SPOCK1: variants seen among roughly 807,000 people sequenced by gnomAD.
The protein encoded by SPOCK1 is SPARC (osteonectin), cwcv and kazal like domains proteoglycan 1.
SPOCK1 carries 23 observed loss-of-function variants against 55.3 expected under a neutral mutation model. The ratio of observed to expected loss-of-function variants is 0.42; its 90% CI spans 0.30 to 0.59. The LOEUF (loss-of-function observed/expected upper bound fraction) is 0.59, where lower values mean the gene tolerates loss of function less well. Among genes scored for constraint, SPOCK1 ranks in the 20% least tolerant of loss-of-function variants. The probability of loss-of-function intolerance (pLI) is 0.22; values close to 1 mark genes in which losing one functional copy is unlikely to be tolerated. For missense variants in SPOCK1, 499 were observed against 552.5 expected (o/e 0.90, Z 0.97); for synonymous variants, 226 against 221.0 (o/e 1.02, Z -0.20).
At chr5:137,016,131 GC>G (rs1751444203) in intron 6 of SPOCK1, among the ~76,000 whole-genome samples, 1 of 152,086 alleles carries the variant, frequency 6.6e-6, no homozygotes, top group South Asian at 2.1e-4. Flanking sequence ...AAAAAAGGCC[GC>G]TTTTCATCGC....
intron 6 of SPOCK1, among the ~76,000 whole-genome samples, chr5:137,014,116 T>C (rs1751405212): frequency 6.6e-6 from 1 of 152,196 alleles, no homozygotes; most frequent in African/African-American, 2.4e-5. Context: ...ATTGACTTCT[T>C]GCAAGATCTG....
intron 2 of SPOCK1, among the ~76,000 whole-genome samples, chr5:137,303,995 C>T (rs184122033): frequency 2.0e-4 from 31 of 152,192 alleles, no homozygotes; most frequent in African/African-American, 4.6e-4. Flanking sequence ...ATGGTGATGA[C>T]GTAGGCATCC....
intron 2 of SPOCK1, among the ~76,000 whole-genome samples, chr5:137,444,874 C>T (rs1410578515): frequency 6.6e-6 from 1 of 152,220 alleles, no homozygotes; most frequent in African/African-American, 2.4e-5. Context: ...TGTCCACCTC[C>T]CAGCTCCCAA....
intron 2 of SPOCK1, among the ~76,000 whole-genome samples, chr5:137,327,257 G>C (rs1234934302): frequency 1.3e-5 from 2 of 152,144 alleles, no homozygotes; most frequent in East Asian, 3.9e-4. Flanking sequence ...CTTCCCCATA[G>C]TAAGTGCCAG....
At position 137,155,400 on chromosome 5, in the gene SPOCK1, C is replaced by T. The variant is rs572556160; in HGVS notation, c.233-14706G>A. On this transcript the variant is annotated intron_variant, in intron 3 of 10. Coordinates refer to ENST00000394945, the MANE Select transcript of SPOCK1 (RefSeq NM_004598.4). ...GGCCTGTACTCTACTCTTGCAACTC[C>T]AGAAATCAGAAGGCTGATCACCTCA... Among the ~76,000 whole-genome samples the T allele has an allele frequency of 2.0e-4, 31 of 152,304 alleles. 1 individual carries two copies. Among genetic ancestry groups the T allele is most frequent in the Admixed American group, 3.3e-4 (5 of 15,298 alleles).
At chr5:137,160,566 ATATATTATATAAT>A (rs1754517489) in intron 3 of SPOCK1, among the ~76,000 whole-genome samples, 4 of 69,666 alleles carry the variant, frequency 5.7e-5, no homozygotes, top group Middle Eastern at 5.7e-3. Context: ...ATTATATATT[ATATATTATATAAT>A]ATATATAATA....
chr5:137,147,599 C>T (rs1296307622), intron 3 of SPOCK1, among the ~76,000 whole-genome samples: 1 of 152,160 alleles, frequency 6.6e-6, no homozygotes, highest in African/African-American at 2.4e-5. Context: ...AGAGCCAGCC[C>T]TCTCTCGTGT....
intron 2 of SPOCK1, among the ~76,000 whole-genome samples, chr5:137,395,996 A>G (rs772745820): frequency 2.6e-5 from 4 of 152,208 alleles, no homozygotes; most frequent in Admixed American, 6.5e-5. Flanking sequence ...TCTCTCCAAC[A>G]TAAGTTACGT....
chr5:137,198,325 A>G (rs369389251), intron 3 of SPOCK1, among the ~76,000 whole-genome samples: 1 of 152,228 alleles, frequency 6.6e-6, no homozygotes, highest in South Asian at 2.1e-4. Context: ...GAAAGGATAA[A>G]TTACTGTTTA....
chr5:137,001,084 C>T (rs1008396813), intron 6 of SPOCK1, among the ~76,000 whole-genome samples: 15 of 152,306 alleles, frequency 9.8e-5, no homozygotes, highest in African/African-American at 2.6e-4. Flanking sequence ...GTGCCATCCT[C>T]GCTGAGACTA....
In SPOCK1 at chr5:136,997,794, T is replaced by C. The variant is rs1436345358; in HGVS notation, c.590-5194A>G. Among the ~76,000 whole-genome samples the C allele has an allele frequency of 2.0e-5, 3 of 152,318 alleles. No homozygotes were observed. In the East Asian group the frequency reaches 5.8e-4, roughly 29 times the overall value. On this transcript the variant is annotated intron_variant, in intron 6 of 10. Coordinates refer to ENST00000394945, the MANE Select transcript of SPOCK1 (RefSeq NM_004598.4). Reference sequence around the variant, plus strand: ...TTTTCTATGCTCCCAATGCCTTGTTTCTCTGATAGCATTCATAACACCCAT... The same window carrying C: ...TTTTCTATGCTCCCAATGCCTTGTTCCTCTGATAGCATTCATAACACCCAT...
At chr5:137,007,519 G>A (rs761588252) in intron 6 of SPOCK1, among the ~76,000 whole-genome samples, 11 of 152,154 alleles carry the variant, frequency 7.2e-5, no homozygotes, top group Non-Finnish European at 1.0e-4. Flanking sequence ...CATTTATGTC[G>A]CCAAGCAACA....
At chr5:137,325,063 A>G (rs962294915) in intron 2 of SPOCK1, among the ~76,000 whole-genome samples, 1 of 152,242 alleles carries the variant, frequency 6.6e-6, no homozygotes, top group Non-Finnish European at 1.5e-5. Flanking sequence ...ACAAACAAAA[A>G]TATGTCTGGA....
intron 6 of SPOCK1, among the ~76,000 whole-genome samples, chr5:136,999,092 G>T (rs1446544223): frequency 6.6e-6 from 1 of 152,190 alleles, no homozygotes; most frequent in Admixed American, 6.5e-5. Context: ...CTTTAAGCTA[G>T]ACTGGATTTG....
chr5:137,146,286 G>A (rs1261090422), intron 3 of SPOCK1, among the ~76,000 whole-genome samples: 1 of 29,282 alleles, frequency 3.4e-5, no homozygotes, highest in Non-Finnish European at 7.7e-5. Flanking sequence ...AGGATTCCGG[G>A]AGGCACAAGA....
At chr5:137,383,623 T>C (rs996214363) in intron 2 of SPOCK1, among the ~76,000 whole-genome samples, 1 of 152,180 alleles carries the variant, frequency 6.6e-6, no homozygotes, top group African/African-American at 2.4e-5. Context: ...AGTCTAAGAA[T>C]GAAGAGGGCA....
intron 2 of SPOCK1, among the ~76,000 whole-genome samples, chr5:137,433,060 C>G (rs1054625848): frequency 1.3e-5 from 2 of 152,194 alleles, no homozygotes; most frequent in East Asian, 3.8e-4. Flanking sequence ...AAGATGTTCA[C>G]AAATAGCCAC....
intron 5 of SPOCK1, among the ~76,000 whole-genome samples, chr5:137,100,850 A>C (rs1753247061): frequency 1.3e-5 from 2 of 149,776 alleles, no homozygotes; most frequent in South Asian, 2.1e-4. Context: ...AAGATTCCCA[A>C]ATGTTTCATT....
At chr5:137,481,867 A>C (rs535230832) in intron 2 of SPOCK1, among the ~76,000 whole-genome samples, 10 of 152,216 alleles carry the variant, frequency 6.6e-5, no homozygotes, top group Non-Finnish European at 1.3e-4. Flanking sequence ...TAGGCCTTTA[A>C]ACTTTAACTC....
Sources: gnomAD v4.1 joint callset for allele counts (sites outside exome capture counted in the v4.1 genomes callset) on GRCh38, gnomAD v4.1.1 for gene constraint, MANE v1.5 for transcripts, NCBI Gene and HGNC (gene_info 2026-07-23, HGNC 2026-07-21) for gene names.